Variants in CD101 observed in about 807,000 individuals in gnomAD.
CD101 encodes the protein CD101 molecule, also known as immunoglobulin superfamily member 2.
CD101 carries 76 observed loss-of-function variants against 98.2 expected under a neutral mutation model. The ratio of observed to expected loss-of-function variants is 0.77; its 90% CI spans 0.64 to 0.94. CD101 has a LOEUF of 0.94. Ranked by LOEUF, CD101 falls within the 40% of genes least tolerant of loss-of-function variation. The pLI is 0.00. For synonymous variants in CD101, 471 were observed against 472.7 expected, an observed-to-expected ratio of 1.00 and a Z score of 0.05; for missense variants, 1,145 against 1,218.8, an observed-to-expected ratio of 0.94 and a Z score of 0.90.
rs138571018 is a variant in CD101, at chr1:117,017,167, G to A, written c.1306G>A (p.Ala436Thr). Residue 436 changes from alanine (A) to threonine (T), a missense_variant, in exon 5 of 10, where the codon GCT (alanine) becomes ACT (threonine). Transcript: ENST00000682167. ...EGETLAFLCKAGGAESPLSVS... is the reference protein window; with the variant it reads ...EGETLAFLCKTGGAESPLSVS... Reference sequence around the variant, plus strand: ...AGAGACACTCGCCTTTCTCTGTAAGGCTGGTGGAGCTGAAAGTCCCCTGTC... The same window carrying A: ...AGAGACACTCGCCTTTCTCTGTAAGACTGGTGGAGCTGAAAGTCCCCTGTC... 6.2e-7 allele frequency: 1 copy of A among 1,614,240 alleles called. No individual in the cohort carries two copies. Among genetic ancestry groups the A allele is most frequent in the Non-Finnish European group, 8.5e-7 (1 of 1,180,034 alleles).
intron 1 of CD101, 53 bp downstream of exon 1, chr1:117,001,913 G>A (rs1652252503): frequency 3.2e-6 from 5 of 1,546,850 alleles, no homozygotes; most frequent in Admixed American, 1.7e-5. Context: ...CATCAACTCA[G>A]GGTGCTGAGT....
intron 7 of CD101, among the ~76,000 whole-genome samples, chr1:117,025,133 T>TGGCA (rs1350999027): frequency 1.3e-5 from 2 of 152,034 alleles, no homozygotes; most frequent in Non-Finnish European, 2.9e-5. Context: ...GAGGCTGAGG[T>TGGCA]GGGCAGATCA....
At position 117,012,031 on chromosome 1, in the gene CD101, G is replaced by C. The variant is rs535176627; in HGVS notation, c.841+65G>C. The stretch of plus-strand genomic sequence containing the variant: ...TAGGTAGTGGGTATTTATGAGGTAT[G>C]TTTTAATTTTTGTTCTAATCTTTTG... On this transcript the variant is annotated intron_variant, in intron 3 of 9. Transcript: ENST00000682167. The surrounding 1 kb of genome is among the most constrained non-coding windows in gnomAD (Gnocchi z 4.0). 7.2e-6 allele frequency: 10 copies of C among 1,397,712 alleles called. No individual in the cohort carries two copies. The Admixed American group carries it at 9.2e-5, about 13-fold the overall frequency. 86.6% of individuals were successfully genotyped at this position (1,397,712 alleles called of 1,614,324 possible).
chr1:117,029,203 GAAAAGAAAGA>G (rs1654207888), intron 8 of CD101, among the ~76,000 whole-genome samples: 12 of 69,090 alleles, frequency 1.7e-4, no homozygotes, highest in South Asian at 4.6e-4. Context: ...AAGAAAGAAA[GAAAAGAAAGA>G]AAAGAAAGAA....
intron 5 of CD101, 92 bp downstream of exon 5, chr1:117,017,565 G>A (rs895518521): frequency 7.9e-7 from 1 of 1,267,204 alleles, no homozygotes; most frequent in Non-Finnish European, 1.1e-6. Flanking sequence ...GAATCCCCCA[G>A]TGATGGTATG....
intron 6 of CD101, among the ~76,000 whole-genome samples, chr1:117,020,655 T>C (rs1210217953): frequency 1.3e-5 from 2 of 152,226 alleles, no homozygotes; most frequent in Non-Finnish European, 2.9e-5. Context: ...ATCACTGTGC[T>C]GTGGTAGAAT....
chr1:117,030,407 G>GAGAGAGAGAGAGAAAGAGAC (rs1557780091), intron 8 of CD101, among the ~76,000 whole-genome samples: 22 of 125,262 alleles, frequency 1.8e-4, no homozygotes, highest in Middle Eastern at 7.0e-3. Flanking sequence ...AACAAACAAA[G>GAGAGAGAGAGAGAAAGAGAC]AGAGAGAGAG....
rs1652976548 is a variant in CD101, at chr1:117,012,946, T to C, written c.842-460T>C. Among the ~76,000 whole-genome samples, 1 of 152,228 alleles carries C rather than the reference T, an allele frequency of 6.6e-6. No homozygotes were observed. Among genetic ancestry groups the C allele is most frequent in the Non-Finnish European group, 1.5e-5 (1 of 68,040 alleles). On this transcript the variant is annotated intron_variant, in intron 3 of 9. Transcript: ENST00000682167. The surrounding 1 kb of genome is among the most constrained non-coding windows in gnomAD (Gnocchi z 4.0). Reference sequence around the variant, plus strand: ...CTGTTGGCCTCAAGTATCCAAGTTATACTCATGAGTCCTATGGAGCGATAT... The same window carrying C: ...CTGTTGGCCTCAAGTATCCAAGTTACACTCATGAGTCCTATGGAGCGATAT...
In CD101 at chr1:117,021,861, A is replaced by T. The variant is rs982034672; in HGVS notation, c.2306A>T (p.Glu769Val). Residue 769 changes from glutamate (E) to valine (V), a missense_variant, in exon 7 of 10, where the codon GAA (glutamate) becomes GTA (valine). Coordinates refer to ENST00000682167, the MANE Select transcript of CD101 (RefSeq NM_001256106.3). The surrounding 1 kb of genome is among the most constrained non-coding windows in gnomAD (Gnocchi z 4.7). ...TTTCAGCTGCACATTCTGAATGTGG[A>T]AGACAGCGATCGGGGCAAATATCAC... ...DLFQLHILNV[E>V]DSDRGKYHCA... 8 of 1,614,114 alleles carry T rather than the reference A, an allele frequency of 5.0e-6. No individual in the cohort carries two copies. The highest frequency in any genetic ancestry group is 6.8e-6 in the Non-Finnish European group (8 of 1,180,062).
chr1:117,029,209 AAAGAAAAG>A (rs1654213985), intron 8 of CD101, among the ~76,000 whole-genome samples: 20 of 87,616 alleles, frequency 2.3e-4, no homozygotes, highest in East Asian at 1.8e-3. Flanking sequence ...GAAAGAAAAG[AAAGAAAAG>A]AAAGAAAGAA....
chr1:117,013,344 C>T, intron 3 of CD101, 62 bp from the exon 4 acceptor site: 1 of 1,516,696 alleles, frequency 6.6e-7, no homozygotes. Flanking sequence ...TCATCTCTCT[C>T]TGGTACTGAA....
At chr1:117,034,564 C>T (rs1288983006) in intron 9 of CD101, among the ~76,000 whole-genome samples, 3 of 152,182 alleles carry the variant, frequency 2.0e-5, no homozygotes, top group African/African-American at 7.2e-5. Context: ...GTAACATGCT[C>T]TTTGTTTACC....
intron 8 of CD101, among the ~76,000 whole-genome samples, chr1:117,030,620 A>G (rs1654398396): frequency 6.6e-6 from 1 of 152,254 alleles, no homozygotes; most frequent in African/African-American, 2.4e-5. Context: ...AGCAAGGCCT[A>G]GCACATGGCA....
chr1:117,027,978 G>A (rs1446924412), intron 8 of CD101, among the ~76,000 whole-genome samples: 5 of 152,184 alleles, frequency 3.3e-5, no homozygotes, highest in Admixed American at 6.5e-5. Flanking sequence ...CCAGCTACTC[G>A]GGAGGCTGAG....
intron 6 of CD101, among the ~76,000 whole-genome samples, chr1:117,020,415 G>A (rs940961735): frequency 1.3e-5 from 2 of 152,118 alleles, no homozygotes; most frequent in Admixed American, 6.5e-5. Flanking sequence ...ATGGTGGCGT[G>A]CACCTGTAGT....
rs766163116 is a variant in CD101 at position 117,011,857 on chromosome 1, G to A, written c.732G>A (p.Gln244=). The change falls in exon 3 of 10, where the codon CAG becomes CAA. Residue 244 remains glutamine (Q), a synonymous_variant. Coordinates refer to ENST00000682167, the MANE Select transcript of CD101 (RefSeq NM_001256106.3). ...TAGAGAGGCTCCAGTCCTCAGATCA[G>A]GGTCAGCTGTTCTGTGAGGCAACGG... The part of the protein sequence containing the change: ...LSIERLQSSD[Q]GQLFCEATEW... 6.2e-7 allele frequency: 1 copy of A among 1,614,100 alleles called. No individual in the cohort carries two copies. Among genetic ancestry groups the A allele is most frequent in the Non-Finnish European group, 8.5e-7 (1 of 1,180,022 alleles).
At chr1:117,013,330 G>A in intron 3 of CD101, 76 bp from the exon 4 acceptor site, 1 of 1,452,594 alleles carries the variant, frequency 6.9e-7, no homozygotes, top group Admixed American at 2.2e-5. Context: ...CCTTACAGAG[G>A]GTGTCATCTC....
At chr1:117,034,237 C>A in intron 9 of CD101, 103 bp downstream of exon 9, 1 of 1,061,752 alleles carries the variant, frequency 9.4e-7, no homozygotes, top group Non-Finnish European at 1.4e-6. Flanking sequence ...TCAGAGGGAG[C>A]ATTCACTGAG....
At chr1:117,015,936 A>G (rs1490771294) in intron 4 of CD101, among the ~76,000 whole-genome samples, 1 of 152,182 alleles carries the variant, frequency 6.6e-6, no homozygotes, top group African/African-American at 2.4e-5. Context: ...CCTAGAATGT[A>G]CAATCTCCTG....
Sources: allele counts gnomAD v4.1 joint callset (sites outside exome capture counted in the v4.1 genomes callset), GRCh38; gene constraint gnomAD v4.1.1; non-coding constraint Gnocchi (gnomAD v3.1); transcripts MANE v1.5; gene names NCBI Gene and HGNC (gene_info 2026-07-23, HGNC 2026-07-21).